MAP7D2: variants seen among roughly 807,000 people sequenced by gnomAD.
MAP7D2 encodes MAP7 domain-containing protein 2.
In MAP7D2, 33 loss-of-function variants were observed where a neutral mutation model predicts 63.5. That is an observed-to-expected ratio of 0.52 (90% CI 0.39 to 0.70). The LOEUF (loss-of-function observed/expected upper bound fraction) is 0.70, where lower values mean the gene tolerates loss of function less well. MAP7D2 is among the 30% of genes least tolerant of loss of function. The pLI is 0.00. For missense variants in MAP7D2, 626 were observed against 604.0 expected (o/e 1.04, Z -0.38); for synonymous variants, 224 against 223.7 (o/e 1.00, Z -0.01).
At chrX:20,113,770 T>A (rs1347561610) in intron 1 of MAP7D2, among the ~76,000 whole-genome samples, 1 of 111,176 alleles carries the variant, frequency 9.0e-6, no homozygotes, top group Non-Finnish European at 1.9e-5. Context: ...CAATATGAAA[T>A]AATCATATCA....
chrX:20,091,819 C>T (rs2066078109), intron 1 of MAP7D2, among the ~76,000 whole-genome samples: 1 of 111,949 alleles, frequency 8.9e-6, no homozygotes. Context: ...CAAAAACAAT[C>T]TGTAGATAGA....
At chrX:20,043,109 CAG>C (rs1333840380) in intron 7 of MAP7D2, among the ~76,000 whole-genome samples, 1 of 110,828 alleles carries the variant, frequency 9.0e-6, no homozygotes, top group Non-Finnish European at 1.9e-5. Flanking sequence ...GCCCAGCCTG[CAG>C]AAAGTGCTCC....
chrX:20,054,859 G>A (rs1300413139), intron 4 of MAP7D2, among the ~76,000 whole-genome samples: 1 of 112,154 alleles, frequency 8.9e-6, no homozygotes, highest in Non-Finnish European at 1.9e-5. Flanking sequence ...TGGGATTACA[G>A]GCACAAGCCA....
intron 10 of MAP7D2, among the ~76,000 whole-genome samples, chrX:20,020,126 C>G (rs765309158): frequency 8.9e-6 from 1 of 111,839 alleles, no homozygotes; most frequent in Admixed American, 9.5e-5. Context: ...CTTAAACTCT[C>G]CTCTATGACA....
intron 10 of MAP7D2, among the ~76,000 whole-genome samples, chrX:20,019,100 T>G (rs932092104): frequency 2.7e-5 from 3 of 110,250 alleles, no homozygotes; most frequent in Non-Finnish European, 5.7e-5. Context: ...CATCACAGCT[T>G]ACTGCAGCCC....
chrX:20,079,533 A>C (rs1018813295), intron 1 of MAP7D2, among the ~76,000 whole-genome samples: 4 of 111,778 alleles, frequency 3.6e-5, no homozygotes, highest in African/African-American at 6.5e-5. Context: ...CTCCCCATTC[A>C]TAGATAAAGC....
At chrX:20,040,137 T>C (rs1254852843) in intron 8 of MAP7D2, among the ~76,000 whole-genome samples, 1 of 111,009 alleles carries the variant, frequency 9.0e-6, no homozygotes, top group African/African-American at 3.3e-5. Context: ...GCTTTTGGAC[T>C]CTTGGACCTT....
intron 3 of MAP7D2, among the ~76,000 whole-genome samples, chrX:20,060,432 GAGAAAGAAAGAAAGAAAGAAAGAAAGAA>G (rs59420678): frequency 1.3e-4 from 9 of 69,223 alleles, no homozygotes; most frequent in Non-Finnish European, 1.8e-4. Context: ...GAGAGAGAGA[GAGAAAGAAAGAAAGAAAGAAAGAAAGAA>G]AGAAAGAAAG....
At chrX:20,101,053 G>C (rs2066424076) in intron 1 of MAP7D2, among the ~76,000 whole-genome samples, 1 of 108,211 alleles carries the variant, frequency 9.2e-6, no homozygotes, top group African/African-American at 3.4e-5. Flanking sequence ...AACAAAAAAA[G>C]AAGTTGGAAA....
intron 16 of MAP7D2, among the ~76,000 whole-genome samples, chrX:20,008,735 G>C (rs748377885): frequency 8.9e-6 from 1 of 111,803 alleles, no homozygotes; most frequent in African/African-American, 3.2e-5. Flanking sequence ...CTCCTGGTGG[G>C]GGTGGTACCA....
chrX:20,049,729 T>G, intron 6 of MAP7D2: 1 of 241,621 alleles, frequency 4.1e-6, no homozygotes, highest in Non-Finnish European at 7.9e-6. Context: ...GTATGGGAAC[T>G]CTATGCTTAA....
chrX:20,073,920 T>A (rs1399074264), intron 1 of MAP7D2, among the ~76,000 whole-genome samples: 1 of 105,078 alleles, frequency 9.5e-6, no homozygotes, highest in Admixed American at 9.9e-5. Context: ...GCGGATCACC[T>A]GAGGTCTGGA....
At chrX:20,054,582 C>T (rs1339619888) in intron 4 of MAP7D2, among the ~76,000 whole-genome samples, 1 of 110,646 alleles carries the variant, frequency 9.0e-6, no homozygotes, top group East Asian at 2.8e-4. Flanking sequence ...CCTCTCTGCA[C>T]CTTTCTTTTT....
intron 8 of MAP7D2, 83 bp from the exon 9 acceptor site, chrX:20,026,035 A>C: frequency 9.6e-7 from 1 of 1,038,058 alleles, no homozygotes; most frequent in South Asian, 2.2e-5. Flanking sequence ...AGTTCCAACA[A>C]GCTGAACAAT....
chrX:20,055,736 T>C (rs2065054477), intron 4 of MAP7D2: 1 of 988,887 alleles, frequency 1.0e-6, no homozygotes, highest in Non-Finnish European at 1.3e-6. Flanking sequence ...GGATATACCG[T>C]TGGTGGACTC....
intron 8 of MAP7D2, among the ~76,000 whole-genome samples, chrX:20,038,492 G>A (rs758582760): frequency 9.0e-6 from 1 of 111,496 alleles, no homozygotes; most frequent in East Asian, 2.8e-4. Context: ...GCAAGGCTGG[G>A]GCAAAGTTCT....
intron 1 of MAP7D2, among the ~76,000 whole-genome samples, chrX:20,075,623 T>C (rs2065624591): frequency 9.0e-6 from 1 of 111,551 alleles, no homozygotes; most frequent in Admixed American, 9.6e-5. Context: ...CAAATAATAC[T>C]GGGAGCCAGA....
Position 20,012,542 on chromosome X carries a change from G to A in MAP7D2, c.1886-7C>T, listed in dbSNP as rs1307365350. ...GTGTTCAATCCATTGATTTCTGATC[G>A]AGAACACAAAGTCCCTTGTGTTAAT... On this transcript the variant is annotated splice_polypyrimidine_tract_variant and splice_region_variant and intron_variant, in intron 14 of 16. Transcript: ENST00000379643. 8.6e-7 allele frequency: 1 copy of A among 1,160,516 alleles called. No homozygotes were observed. Among genetic ancestry groups the A allele is most frequent in the East Asian group, 3.0e-5 (1 of 32,792 alleles).
At chrX:20,071,722 T>G (rs1389437303) in intron 1 of MAP7D2, among the ~76,000 whole-genome samples, 2 of 112,642 alleles carry the variant, frequency 1.8e-5, no homozygotes, top group East Asian at 5.6e-4. Flanking sequence ...ACCTGCCACA[T>G]TCCTCCACAG....
Sources: allele counts gnomAD v4.1 joint callset (sites outside exome capture counted in the v4.1 genomes callset), GRCh38; gene constraint gnomAD v4.1.1; transcripts MANE v1.5; gene names NCBI Gene and HGNC (gene_info 2026-07-23, HGNC 2026-07-21).